Variants in SLC35F4 observed in about 807,000 individuals in gnomAD.
SLC35F4 encodes the protein chromosome 14 open reading frame 36.
In SLC35F4, 24 loss-of-function variants were observed where a neutral mutation model predicts 44.2. That is an observed-to-expected ratio of 0.54 (90% CI 0.39 to 0.76). SLC35F4 has a LOEUF of 0.76. Among genes scored for constraint, SLC35F4 ranks in the 30% least tolerant of loss-of-function variants. SLC35F4 has a pLI of 0.00. For synonymous variants in SLC35F4, 238 were observed against 223.6 expected, an observed-to-expected ratio of 1.06 and a Z score of -0.57; for missense variants, 562 against 586.1, an observed-to-expected ratio of 0.96 and a Z score of 0.42.
At chr14:57,825,383 A>G (rs985425681) in intron 1 of SLC35F4, among the ~76,000 whole-genome samples, 1 of 152,204 alleles carries the variant, frequency 6.6e-6, no homozygotes, top group African/African-American at 2.4e-5. Context: ...AAATGCTGGT[A>G]TGACTAATAA....
chr14:57,854,323 A>G, intron 1 of SLC35F4, among the ~76,000 whole-genome samples: 1 of 152,128 alleles, frequency 6.6e-6, no homozygotes, highest in South Asian at 2.1e-4. Context: ...ATAATTTTTA[A>G]AAAAAAATTA....
At chr14:57,695,227 A>G (rs2075347896) in intron 1 of SLC35F4, among the ~76,000 whole-genome samples, 1 of 152,198 alleles carries the variant, frequency 6.6e-6, no homozygotes, top group Non-Finnish European at 1.5e-5. Context: ...ATCAGAATCA[A>G]CTGGCAACCT....
intron 1 of SLC35F4, among the ~76,000 whole-genome samples, chr14:57,919,964 G>T (rs575386224): frequency 7.9e-5 from 12 of 152,266 alleles, no homozygotes; most frequent in African/African-American, 2.9e-4. Flanking sequence ...CCACCTTTCA[G>T]ATCCCTTTCA....
intron 1 of SLC35F4, among the ~76,000 whole-genome samples, chr14:57,966,086 C>T (rs1890432555): frequency 6.6e-6 from 1 of 152,150 alleles, no homozygotes; most frequent in Non-Finnish European, 1.5e-5. Context: ...GAGTAGGATC[C>T]AGGAATCTGC....
chr14:57,870,390 G>A (rs544358589), upstream of SLC35F4, among the ~76,000 whole-genome samples: 8 of 152,142 alleles, frequency 5.3e-5, no homozygotes, highest in East Asian at 5.8e-4. Flanking sequence ...TTCTAGCTGC[G>A]TGACCTTGGG....
rs2075156633 is a variant in SLC35F4, at chr14:57,689,256, CT to C, written c.104-95133del. On this transcript the variant is annotated intron_variant, in intron 1 of 7. Coordinates refer to ENST00000556826, the MANE Select transcript of SLC35F4 (RefSeq NM_001306087.2). ...AAGCCTCATTCCACCCTCAACTCGT[CT>C]CTGTCTTACCCCCAGGCCATTCACC... Among the ~76,000 whole-genome samples the C allele has an allele frequency of 3.3e-5, 5 of 152,276 alleles. No homozygotes were observed. The South Asian group carries it at 1.0e-3, about 32-fold the overall frequency.
At chr14:57,830,407 A>G (rs1884244202) in intron 1 of SLC35F4, among the ~76,000 whole-genome samples, 2 of 152,188 alleles carry the variant, frequency 1.3e-5, no homozygotes, top group South Asian at 4.1e-4. Context: ...GGATCTCCCT[A>G]GCTTCGGACA....
chr14:57,844,915 C>T (rs1885867183), intron 1 of SLC35F4, among the ~76,000 whole-genome samples: 1 of 149,694 alleles, frequency 6.7e-6, no homozygotes, highest in Admixed American at 6.6e-5. Context: ...CTCCATCTAT[C>T]TCTCTCTGTC....
At chr14:57,628,702 C>T (rs1461601412) in intron 1 of SLC35F4, among the ~76,000 whole-genome samples, 1 of 152,070 alleles carries the variant, frequency 6.6e-6, no homozygotes, top group Non-Finnish European at 1.5e-5. Context: ...AAATAAATTG[C>T]TGAAATGTTA....
At chr14:57,784,847 C>G (rs1379436150) in intron 1 of SLC35F4, among the ~76,000 whole-genome samples, 1 of 152,190 alleles carries the variant, frequency 6.6e-6, no homozygotes, top group Non-Finnish European at 1.5e-5. Flanking sequence ...CCTCTTCCTC[C>G]TCAGCCTGCT....
chr14:57,751,976 C>T (rs1355042572), intron 1 of SLC35F4, among the ~76,000 whole-genome samples: 1 of 151,702 alleles, frequency 6.6e-6, no homozygotes. Flanking sequence ...TCCCCACAAC[C>T]AGGTGATTCA....
At chr14:57,965,434 T>C (rs57171139) in intron 1 of SLC35F4, among the ~76,000 whole-genome samples, 2 of 151,922 alleles carry the variant, frequency 1.3e-5, no homozygotes, top group South Asian at 4.2e-4. Flanking sequence ...AGATTGGCTG[T>C]TTATCAGCTT....
At chr14:57,614,517 T>C (rs760146213) in intron 1 of SLC35F4, among the ~76,000 whole-genome samples, 4 of 152,212 alleles carry the variant, frequency 2.6e-5, no homozygotes, top group Non-Finnish European at 5.9e-5. Context: ...AAAGTTGTTA[T>C]TTCCCAAAGA....
chr14:57,893,087 C>T (rs1343093159), intron 1 of SLC35F4, among the ~76,000 whole-genome samples: 1 of 151,986 alleles, frequency 6.6e-6, no homozygotes, highest in African/African-American at 2.4e-5. Flanking sequence ...TTGGGAATCC[C>T]AGCTTAGATC....
chr14:57,837,940 G>T (rs144131237), intron 1 of SLC35F4, among the ~76,000 whole-genome samples: 2 of 152,014 alleles, frequency 1.3e-5, no homozygotes, highest in African/African-American at 2.4e-5. Context: ...ATGCTTTTCC[G>T]TTTTATGGTT....
At chr14:57,701,524 C>A (rs1168501780) in intron 1 of SLC35F4, among the ~76,000 whole-genome samples, 1 of 152,114 alleles carries the variant, frequency 6.6e-6, no homozygotes, top group African/African-American at 2.4e-5. Context: ...TTTTATACAG[C>A]TGGCGGCATA....
At chr14:57,735,782 G>A (rs923899761) in intron 1 of SLC35F4, among the ~76,000 whole-genome samples, 3 of 151,538 alleles carry the variant, frequency 2.0e-5, no homozygotes, top group Admixed American at 6.6e-5. Context: ...AAGTGCAGTG[G>A]TGCAATCATA....
At chr14:57,857,336 G>A (rs1188637543) in intron 1 of SLC35F4, among the ~76,000 whole-genome samples, 1 of 151,782 alleles carries the variant, frequency 6.6e-6, no homozygotes. Context: ...AAGGAAGTAA[G>A]GATGCACAAA....
At chr14:57,764,065 T>C (rs2077183037) in intron 1 of SLC35F4, among the ~76,000 whole-genome samples, 1 of 152,150 alleles carries the variant, frequency 6.6e-6, no homozygotes, top group South Asian at 2.1e-4. Flanking sequence ...CAAGACACAA[T>C]TTCTAGCCAA....
Sources: gnomAD v4.1 joint callset for allele counts (sites outside exome capture counted in the v4.1 genomes callset) on GRCh38, gnomAD v4.1.1 for gene constraint, MANE v1.5 for transcripts, NCBI Gene and HGNC (gene_info 2026-07-23, HGNC 2026-07-21) for gene names.